Variants in PRKCB observed in about 807,000 individuals in gnomAD.
The protein encoded by PRKCB is protein kinase C beta type.
Under a neutral mutation model 81.5 loss-of-function variants are expected in PRKCB, and 13 were observed. The ratio of observed to expected loss-of-function variants is 0.16; its 90% CI spans 0.10 to 0.25. The LOEUF is 0.25. Ranked by LOEUF, PRKCB falls within the 10% of genes least tolerant of loss-of-function variation. The pLI is 1.00. For synonymous variants in PRKCB, 335 were observed against 321.4 expected (o/e 1.04, Z -0.45); for missense variants, 509 against 875.7 (o/e 0.58, Z 5.29).
chr16:24,049,567 C>T lies in PRKCB; in HGVS notation c.529+14020C>T, dbSNP rs1269049613. Among the ~76,000 whole-genome samples, 11 of 151,344 alleles carry T rather than the reference C, an allele frequency of 7.3e-5. 1 individual carries two copies. The highest frequency in any genetic ancestry group is 4.2e-4 in the South Asian group (2 of 4,744). ...TACCCTGGCACATCTGGGACATGCA[C>T]GCTTAACCACTACTCTAGCATCATC... On this transcript the variant is annotated intron_variant, in intron 5 of 16. Transcript: ENST00000643927.
chr16:24,089,827 G>A (rs1216662559), intron 5 of PRKCB, among the ~76,000 whole-genome samples: 1 of 151,952 alleles, frequency 6.6e-6, no homozygotes, highest in Non-Finnish European at 1.5e-5. Context: ...GTGAAAGAGG[G>A]CATTGCATAT....
intron 13 of PRKCB, among the ~76,000 whole-genome samples, 179 bp from the exon 14 acceptor site, chr16:24,184,932 C>T (rs1967680230): frequency 6.6e-6 from 1 of 152,170 alleles, no homozygotes; most frequent in African/African-American, 2.4e-5. Flanking sequence ...AATGTGACAG[C>T]CACAGGTGTT....
chr16:24,160,047 T>G (rs894986903), intron 10 of PRKCB, among the ~76,000 whole-genome samples: 2 of 152,070 alleles, frequency 1.3e-5, no homozygotes, highest in African/African-American at 4.8e-5. Context: ...ACATCTAATC[T>G]TCACAAAAGC....
chr16:23,886,498 C>T (rs76562583), intron 2 of PRKCB, among the ~76,000 whole-genome samples: 1,960 of 150,066 alleles, frequency 0.013, 25 homozygotes, highest in South Asian at 0.022. Context: ...CTGCAACCTC[C>T]GCCTCCTGGG....
chr16:23,883,967 C>G (rs1963162051), intron 2 of PRKCB, among the ~76,000 whole-genome samples: 1 of 152,112 alleles, frequency 6.6e-6, no homozygotes, highest in Non-Finnish European at 1.5e-5. Context: ...CAGCATATTC[C>G]AAATATTCCC....
intron 2 of PRKCB, among the ~76,000 whole-genome samples, chr16:23,928,225 A>C (rs143487009): frequency 1.4e-3 from 214 of 152,148 alleles, no homozygotes; most frequent in African/African-American, 5.0e-3. Flanking sequence ...TCCCAGGTTC[A>C]AGCAATTCTC....
At chr16:23,869,142 T>C in intron 2 of PRKCB, 1 of 453,812 alleles carries the variant, frequency 2.2e-6, no homozygotes, top group Non-Finnish European at 4.4e-6. Context: ...CCCACTGATG[T>C]GGAGCATTGG....
rs1050338195 is a variant in PRKCB, at chr16:23,857,133, G to T, written c.205+19727G>T. The stretch of plus-strand genomic sequence containing the variant: ...CAGCTTTAACATATCACAGACAAAA[G>T]TTATTTTTCCAAATAGAATTTTAAG... On this transcript the variant is annotated intron_variant, in intron 2 of 16. Transcript: ENST00000643927. Among the ~76,000 whole-genome samples the T allele has an allele frequency of 3.3e-5, 5 of 152,106 alleles. No individual in the cohort carries two copies. The East Asian group carries it at 9.6e-4, about 29-fold the overall frequency.
intron 10 of PRKCB, among the ~76,000 whole-genome samples, chr16:24,164,040 T>C (rs900110902): frequency 1.3e-5 from 2 of 152,202 alleles, no homozygotes; most frequent in African/African-American, 4.8e-5. Flanking sequence ...TCATTAAAGA[T>C]CATTAAATAG....
At chr16:23,958,249 C>A (rs945799289) in intron 2 of PRKCB, among the ~76,000 whole-genome samples, 1 of 152,164 alleles carries the variant, frequency 6.6e-6, no homozygotes, top group African/African-American at 2.4e-5. Context: ...ACCTTGGCCT[C>A]CCAAAGTACT....
chr16:24,047,405 C>T (rs1273818350), intron 5 of PRKCB, among the ~76,000 whole-genome samples: 2 of 151,958 alleles, frequency 1.3e-5, no homozygotes, highest in African/African-American at 2.4e-5. Flanking sequence ...GAGGCATGCA[C>T]CTGTAGTCCC....
intron 10 of PRKCB, among the ~76,000 whole-genome samples, chr16:24,167,501 A>G (rs1358086271): frequency 6.6e-6 from 1 of 152,058 alleles, no homozygotes; most frequent in Non-Finnish European, 1.5e-5. Flanking sequence ...TTGAGGCTGC[A>G]GTGAGCAGAG....
intron 2 of PRKCB, among the ~76,000 whole-genome samples, chr16:23,900,718 G>GTTTTTTTTTTTT (rs56897816): frequency 3.7e-4 from 23 of 62,266 alleles, no homozygotes; most frequent in African/African-American, 1.6e-3. Context: ...AGCTGCACAG[G>GTTTTTTTTTTTT]TTTTTTTTTT....
chr16:24,021,070 CCCTT>C (rs1381736551), intron 3 of PRKCB, among the ~76,000 whole-genome samples: 7 of 41,610 alleles, frequency 1.7e-4, no homozygotes, highest in East Asian at 1.4e-3. Context: ...CTCCCTCCCT[CCCTT>C]CTTTCTTTCT....
Position 24,070,289 on chromosome 16 carries a change from C to T in PRKCB, c.530-22502C>T, listed in dbSNP as rs1224407393. 2.0e-5 allele frequency among the ~76,000 whole-genome samples: 3 copies of T among 152,110 alleles called. No homozygotes were observed. In the East Asian group the frequency reaches 5.8e-4, roughly 30 times the overall value. On this transcript the variant is annotated intron_variant, in intron 5 of 16. Transcript: ENST00000643927. ...TCAGTCTCCCAAGTAGCTGGGATTA[C>T]AGGCATGTGCCATCACTCTTGGCTA...
intron 2 of PRKCB, among the ~76,000 whole-genome samples, chr16:23,874,674 A>G (rs1395533782): frequency 2.0e-5 from 3 of 151,696 alleles, no homozygotes; most frequent in Non-Finnish European, 4.4e-5. Context: ...TTAAAAAACT[A>G]AAAACCAACT....
chr16:24,211,314 G>A (rs1253499611), intron 16 of PRKCB, among the ~76,000 whole-genome samples: 1 of 152,216 alleles, frequency 6.6e-6, no homozygotes, highest in Non-Finnish European at 1.5e-5. Flanking sequence ...CTGTCTGTCT[G>A]TAGGGATTTG....
chr16:24,215,827 T>G lies in PRKCB; in HGVS notation c.*1011T>G, dbSNP rs116093872. 2,528 of 985,662 alleles carry G rather than the reference T, an allele frequency of 2.6e-3. 40 individuals are homozygous for G. The African/African-American group carries it at 0.039, about 15-fold the overall frequency. 61.1% of individuals were successfully genotyped at this position (985,662 alleles called of 1,614,324 possible). A position where few individuals can be genotyped will look rare whatever the true frequency, so the allele number is the denominator to read the frequency against. ...TACAAATCTAGGTTTGTTACTGGCTTCAGAAAGCTAATTAAGTGCTCTGAA... is the reference window on the plus strand; with the variant it reads ...TACAAATCTAGGTTTGTTACTGGCTGCAGAAAGCTAATTAAGTGCTCTGAA... On this transcript the variant is annotated 3_prime_UTR_variant, in exon 17 of 17. Coordinates refer to ENST00000643927, the MANE Select transcript of PRKCB (RefSeq NM_002738.7).
In PRKCB at chr16:23,875,638, C is replaced by T. The variant is rs367575226; in HGVS notation, c.205+38232C>T. On this transcript the variant is annotated intron_variant, in intron 2 of 16. Coordinates refer to ENST00000643927, the MANE Select transcript of PRKCB (RefSeq NM_002738.7). ...CACACATATATGTATGTATATCACACATATATGTATGTATATCACACATAT... is the reference window on the plus strand; with the variant it reads ...CACACATATATGTATGTATATCACATATATATGTATGTATATCACACATAT... Among the ~76,000 whole-genome samples, 74 of 90,566 alleles carry T rather than the reference C, an allele frequency of 8.2e-4. 1 individual carries two copies. Among genetic ancestry groups the T allele is most frequent in the African/African-American group, 2.3e-3 (62 of 26,900 alleles). The allele number at this position is 90,566 out of a possible 152,430, so 59.4% of individuals were successfully genotyped here.
Sources: allele counts gnomAD v4.1 joint callset (sites outside exome capture counted in the v4.1 genomes callset), GRCh38; gene constraint gnomAD v4.1.1; transcripts MANE v1.5; gene names NCBI Gene and HGNC (gene_info 2026-07-23, HGNC 2026-07-21).